The following ADGRL3 variants were observed in gnomAD, a reference collection of about 807,000 sequenced individuals.
ADGRL3 encodes the protein calcium-independent alpha-latrotoxin receptor 3.
A neutral mutation model predicts 153.5 loss-of-function variants in ADGRL3; 62 were observed. The observed-to-expected ratio is 0.40, with a 90% CI of 0.33 to 0.50. The LOEUF is 0.50. ADGRL3 is among the 20% of genes least tolerant of loss of function. ADGRL3 has a pLI of 0.47. For missense variants in ADGRL3, 1,641 were observed against 1,859.4 expected (o/e 0.88, Z 2.16); for synonymous variants, 710 against 672.5 (o/e 1.06, Z -0.86).
chr4:61,814,781 T>C (rs1561295609), intron 9 of ADGRL3, among the ~76,000 whole-genome samples: 1 of 152,150 alleles, frequency 6.6e-6, no homozygotes, highest in Non-Finnish European at 1.5e-5. Context: ...CCCTCCTCTA[T>C]ATTAGTTTCT....
chr4:61,947,927 G>A (rs552129693), intron 16 of ADGRL3, among the ~76,000 whole-genome samples, 173 bp from the exon 17 acceptor site: 27 of 152,130 alleles, frequency 1.8e-4, no homozygotes, highest in Admixed American at 1.6e-3. Flanking sequence ...ACAAACAATA[G>A]CATATATTCA....
chr4:61,817,451 G>A (rs1053795200), intron 9 of ADGRL3, among the ~76,000 whole-genome samples: 2 of 152,116 alleles, frequency 1.3e-5, no homozygotes, highest in Non-Finnish European at 2.9e-5. Context: ...TTGGACAGAC[G>A]TTGGGATGAC....
chr4:61,396,216 CT>C (rs1322345702), intron 2 of ADGRL3, among the ~76,000 whole-genome samples: 2 of 151,788 alleles, frequency 1.3e-5, no homozygotes, highest in East Asian at 1.9e-4. Flanking sequence ...AGAAAGTGAA[CT>C]TTTAACAAAG....
intron 5 of ADGRL3, among the ~76,000 whole-genome samples, chr4:61,618,343 A>G (rs1333278835): frequency 4.6e-5 from 7 of 152,358 alleles, no homozygotes; most frequent in African/African-American, 1.4e-4. Flanking sequence ...AATTTCAATC[A>G]GACAAACCAA....
intron 8 of ADGRL3, among the ~76,000 whole-genome samples, chr4:61,758,514 C>T (rs939238859): frequency 6.6e-6 from 1 of 151,810 alleles, no homozygotes; most frequent in African/African-American, 2.4e-5. Context: ...CTGCCTTTTT[C>T]TGTTTTCCAT....
At chr4:61,295,581 A>T (rs2094382596) in intron 1 of ADGRL3, among the ~76,000 whole-genome samples, 1 of 152,110 alleles carries the variant, frequency 6.6e-6, no homozygotes, top group Non-Finnish European at 1.5e-5. Context: ...AATTGTTATG[A>T]TTTAGTTAAA....
chr4:61,844,637 T>A (rs544286180), intron 9 of ADGRL3, among the ~76,000 whole-genome samples: 3 of 129,248 alleles, frequency 2.3e-5, no homozygotes, highest in South Asian at 5.2e-4. Flanking sequence ...AAAGACTGAC[T>A]AAAACGAATA....
At chr4:61,542,231 T>C (rs1206176501) in intron 4 of ADGRL3, among the ~76,000 whole-genome samples, 1 of 152,190 alleles carries the variant, frequency 6.6e-6, no homozygotes, top group Non-Finnish European at 1.5e-5. Flanking sequence ...TGTAACTTCC[T>C]CATAGTTAAT....
chr4:61,497,673 G>T (rs1240441335), intron 3 of ADGRL3, among the ~76,000 whole-genome samples: 2 of 130,136 alleles, frequency 1.5e-5, no homozygotes, highest in African/African-American at 5.4e-5. Flanking sequence ...CCACCACCAC[G>T]CCTGGCTAAT....
At chr4:61,265,445 A>ATATT (rs2092791561) in intron 1 of ADGRL3, among the ~76,000 whole-genome samples, 1 of 151,826 alleles carries the variant, frequency 6.6e-6, no homozygotes, top group Admixed American at 6.6e-5. Flanking sequence ...GTTACTTCCT[A>ATATT]TATCCCTGGG....
chr4:61,664,067 T>G (rs2150637607), intron 5 of ADGRL3, among the ~76,000 whole-genome samples: 1 of 152,276 alleles, frequency 6.6e-6, no homozygotes, highest in Non-Finnish European at 1.5e-5. Context: ...GCAAGCTAGA[T>G]TCCCCTCATG....
intron 8 of ADGRL3, among the ~76,000 whole-genome samples, chr4:61,769,201 C>T (rs2097049873): frequency 6.6e-6 from 1 of 152,054 alleles, no homozygotes; most frequent in Non-Finnish European, 1.5e-5. Flanking sequence ...GGGAAGGCTG[C>T]CTTCCCAGTC....
chr4:61,298,486 T>C (rs1277063076), intron 1 of ADGRL3, among the ~76,000 whole-genome samples: 1 of 152,134 alleles, frequency 6.6e-6, no homozygotes, highest in Admixed American at 6.6e-5. Flanking sequence ...GAACAAATGA[T>C]TAGATTTTAG....
intron 2 of ADGRL3, among the ~76,000 whole-genome samples, chr4:61,447,539 G>T (rs750284521): frequency 8.5e-5 from 13 of 152,086 alleles, no homozygotes; most frequent in Non-Finnish European, 1.9e-4. Flanking sequence ...TTCAGGTTTG[G>T]TATATTCAGA....
At chr4:61,372,754 C>T (rs1000652611) in intron 1 of ADGRL3, among the ~76,000 whole-genome samples, 4 of 152,130 alleles carry the variant, frequency 2.6e-5, no homozygotes, top group African/African-American at 9.7e-5. Flanking sequence ...TGGTGGGCTC[C>T]ACCCAGTTCG....
chr4:61,417,801 G>A (rs2097160865), intron 2 of ADGRL3, among the ~76,000 whole-genome samples: 1 of 152,084 alleles, frequency 6.6e-6, no homozygotes, highest in African/African-American at 2.4e-5. Context: ...ATGGAGTTTG[G>A]TGAGGGAGAT....
chr4:61,647,609 A>T (rs2150330621), intron 5 of ADGRL3, among the ~76,000 whole-genome samples: 1 of 152,288 alleles, frequency 6.6e-6, no homozygotes, highest in Admixed American at 6.5e-5. Context: ...ATCATTTAAA[A>T]AATAAAATTC....
At chr4:61,296,736 G>A (rs536432296) in intron 1 of ADGRL3, among the ~76,000 whole-genome samples, 2 of 152,192 alleles carry the variant, frequency 1.3e-5, no homozygotes, top group South Asian at 4.1e-4. Flanking sequence ...ATCATTATAA[G>A]ATATGATATT....
chr4:61,340,126 G>A (rs1206351834), intron 1 of ADGRL3, among the ~76,000 whole-genome samples: 1 of 152,102 alleles, frequency 6.6e-6, no homozygotes, highest in Non-Finnish European at 1.5e-5. Context: ...CTGTGATGTG[G>A]TGATTAGGCT....
Sources: gnomAD v4.1 joint callset for allele counts (sites outside exome capture counted in the v4.1 genomes callset) on GRCh38, gnomAD v4.1.1 for gene constraint, MANE v1.5 for transcripts, NCBI Gene and HGNC (gene_info 2026-07-23, HGNC 2026-07-21) for gene names.